The following POC1B variants were observed in gnomAD, a reference collection of about 807,000 sequenced individuals.
POC1B encodes POC1 centriolar protein B, also known as POC1 centriolar protein homolog B.
Under a neutral mutation model 60.6 loss-of-function variants are expected in POC1B, and 44 were observed. The observed-to-expected ratio is 0.73, with a 90% confidence interval of 0.57 to 0.93. The LOEUF (loss-of-function observed/expected upper bound fraction) is 0.93, where lower values mean the gene tolerates loss of function less well. Among genes scored for constraint, POC1B ranks in the 40% least tolerant of loss-of-function variants. POC1B has a pLI of 0.00. For synonymous variants in POC1B, 180 were observed against 198.9 expected (o/e 0.90, Z 0.80); for missense variants, 555 against 572.3 (o/e 0.97, Z 0.31).
At chr12:89,507,602 A>C (rs1400969483) in intron 2 of POC1B, among the ~76,000 whole-genome samples, 1 of 152,244 alleles carries the variant, frequency 6.6e-6, no homozygotes, top group Non-Finnish European at 1.5e-5. Context: ...GTTTAAAAAA[A>C]CTATTTATGT....
intron 9 of POC1B, among the ~76,000 whole-genome samples, chr12:89,462,548 T>G (rs542722332): frequency 1.3e-5 from 2 of 152,314 alleles, no homozygotes; most frequent in African/African-American, 4.8e-5. Flanking sequence ...GACTACAAGC[T>G]TCTAAAGAGC....
At chr12:89,466,392 A>T (rs1484372890) in intron 9 of POC1B, among the ~76,000 whole-genome samples, 1 of 152,132 alleles carries the variant, frequency 6.6e-6, no homozygotes, top group Non-Finnish European at 1.5e-5. Context: ...GCTGTAAAAG[A>T]GTTTTAAGCT....
intron 6 of POC1B, among the ~76,000 whole-genome samples, 180 bp from the exon 7 acceptor site, chr12:89,470,674 A>C (rs377574768): frequency 9.9e-4 from 151 of 152,314 alleles, no homozygotes; most frequent in African/African-American, 3.5e-3. Flanking sequence ...CCAGTTAGAG[A>C]GCCAGAATAA....
chr12:89,468,934 T>C (rs1012631248), intron 7 of POC1B, among the ~76,000 whole-genome samples: 2 of 152,056 alleles, frequency 1.3e-5, no homozygotes, highest in African/African-American at 4.8e-5. Context: ...GAAGTTTGAA[T>C]ATTGTCTGGA....
chr12:89,497,208 A>G lies in POC1B; in HGVS notation c.235T>C (p.Ser79Pro), dbSNP rs776679424. 1.2e-6 allele frequency: 2 copies of G among 1,613,990 alleles called. No homozygotes were observed. The highest frequency in any genetic ancestry group is 1.7e-6 in the Non-Finnish European group (2 of 1,180,022). The change falls in exon 3 of 12, where the codon TCA becomes CCA. Residue 79 changes from serine to proline, a missense_variant. Transcript: ENST00000313546. Reference protein sequence around the residue: ...SPHGNLLASASRDRTVRLWIP... With the variant: ...SPHGNLLASAPRDRTVRLWIP... ...CAGAGTCTCACGGTTCTGTCTCGTG[A>G]GGCAGACGCCAATAAGTTTCCATGT...
In POC1B at chr12:89,492,027, A is replaced by G; in HGVS notation, c.361T>C (p.Ser121Pro). The G allele has an allele frequency of 6.2e-7, 1 of 1,610,078 alleles. No individual in the cohort carries two copies. ...CATACTTTTATGGATTTGTCTTCAGAAGCTGTAGCTAGAAACTGGCCATCA... is the reference window on the plus strand; with the variant it reads ...CATACTTTTATGGATTTGTCTTCAGGAGCTGTAGCTAGAAACTGGCCATCA... The part of the protein sequence containing the change: ...SADGQFLATA[S>P]EDKSIKVWSM... Residue 121 changes from serine (S) to proline (P), a missense_variant, in exon 4 of 12, where the codon TCT becomes CCT. Coordinates refer to ENST00000313546, the MANE Select transcript of POC1B (RefSeq NM_172240.3).
chr12:89,402,798 G>T, the POC1B span, among the ~76,000 whole-genome samples: 1 of 152,086 alleles, frequency 6.6e-6, no homozygotes, highest in Non-Finnish European at 1.5e-5. Context: ...AGAGCACAGT[G>T]GCACAATCTT....
In POC1B at chr12:89,525,079, G is replaced by A. The variant is rs757760055; in HGVS notation, c.100+41C>T. ...GGAGGAAAGGTTTCCGGCCCATGGA[G>A]TTTAGTCTCATTACAAAAGCAAAAC... On this transcript the variant is annotated intron_variant, in intron 2 of 11. Coordinates refer to ENST00000313546, the MANE Select transcript of POC1B (RefSeq NM_172240.3). 6 of 1,613,058 alleles carry A rather than the reference G, an allele frequency of 3.7e-6. No individual in the cohort carries two copies. The African/African-American group carries it at 5.3e-5, about 14-fold the overall frequency.
intron 3 of POC1B, 119 bp from the exon 4 acceptor site, chr12:89,492,234 A>C: frequency 1.2e-6 from 1 of 816,910 alleles, no homozygotes; most frequent in Non-Finnish European, 1.7e-6. Context: ...AACTCTTGTA[A>C]AACCTAACAA....
intron 2 of POC1B, chr12:89,502,787 T>C (rs966690474): frequency 2.3e-6 from 3 of 1,315,320 alleles, no homozygotes; most frequent in Non-Finnish European, 3.2e-6. Context: ...ATTGTTTTTT[T>C]ATGTTAACTT....
Position 89,476,702 on chromosome 12 carries a change from A to T in POC1B, c.453-4427T>A, listed in dbSNP as rs557164340. On this transcript the variant is annotated intron_variant, in intron 4 of 11. Coordinates refer to ENST00000313546, the MANE Select transcript of POC1B (RefSeq NM_172240.3). ...TGACAAAGTGAGACTGTCTCAATAG[A>T]TAGATAGATAGATAGATAGATAGAT... 2.2e-4 allele frequency among the ~76,000 whole-genome samples: 5 copies of T among 23,174 alleles called. No homozygotes were observed. The South Asian group carries it at 4.6e-3, about 21-fold the overall frequency. 15.2% of individuals were successfully genotyped at this position (23,174 alleles called of 152,430 possible). A position where few individuals can be genotyped will look rare whatever the true frequency, so the allele number is the denominator to read the frequency against.
At chr12:89,524,264 GTTC>G (rs1347088162) in intron 2 of POC1B, 2 of 1,614,012 alleles carry the variant, frequency 1.2e-6, no homozygotes, top group South Asian at 1.1e-5. Context: ...CTCTCAATGA[GTTC>G]TTCTTGCTGC....
Position 89,471,711 on chromosome 12 carries a change from G to A in POC1B, c.579C>T (p.Asp193=), listed in dbSNP as rs1488883336. ...CTATGCATGTACCACTAGGGTTAAA[G>A]TCCACAAAATTTGCAAATCTAGGAG... ...SDSVGFANFV[D]FNPSGTCIAS... The change falls in exon 6 of 12, where the codon GAC becomes GAT. Residue 193 remains aspartate, a synonymous_variant. Transcript: ENST00000313546. The A allele has an allele frequency of 1.9e-6, 3 of 1,587,640 alleles. No homozygotes were observed. The African/African-American group carries it at 4.1e-5, about 22-fold the overall frequency.
the POC1B span, among the ~76,000 whole-genome samples, chr12:89,405,384 T>C: frequency 1.3e-5 from 2 of 151,622 alleles, no homozygotes; most frequent in African/African-American, 2.4e-5. Flanking sequence ...GGCTCATGCC[T>C]GTAATCCCAG....
chr12:89,407,062 T>C, the POC1B span, among the ~76,000 whole-genome samples: 1 of 145,394 alleles, frequency 6.9e-6, no homozygotes, highest in African/African-American at 2.5e-5. Context: ...GCAGGGAGAA[T>C]TGCTTGAACC....
At chr12:89,417,107 C>T (rs1167300423), downstream of POC1B, among the ~76,000 whole-genome samples, 1 of 152,174 alleles carries the variant, frequency 6.6e-6, no homozygotes, top group Admixed American at 6.5e-5. Flanking sequence ...CTATTTTCTT[C>T]TGTACTATTT....
intron 10 of POC1B, chr12:89,428,988 T>C (rs1880902180): frequency 6.6e-6 from 1 of 152,154 alleles, no homozygotes; most frequent in Admixed American, 6.6e-5. Flanking sequence ...ATTAATCATA[T>C]TGTAATAACA....
chr12:89,444,148 G>A (rs1034215952), intron 10 of POC1B, among the ~76,000 whole-genome samples: 12 of 152,064 alleles, frequency 7.9e-5, no homozygotes, highest in Admixed American at 4.6e-4. Flanking sequence ...GGACCAGAAC[G>A]GTTTCACAGC....
the POC1B span, among the ~76,000 whole-genome samples, chr12:89,407,263 C>T: frequency 6.6e-6 from 1 of 150,618 alleles, no homozygotes; most frequent in East Asian, 2.0e-4. Context: ...GATGGAGTCT[C>T]ATTCTATTGC....
Sources: allele counts gnomAD v4.1 joint callset (sites outside exome capture counted in the v4.1 genomes callset), GRCh38; gene constraint gnomAD v4.1.1; transcripts MANE v1.5; gene names NCBI Gene and HGNC (gene_info 2026-07-23, HGNC 2026-07-21).